TFCP2L1: variants seen among roughly 807,000 people sequenced by gnomAD.
TFCP2L1 encodes the protein transcription factor CP2-like protein 1.
In TFCP2L1, 12 loss-of-function variants were observed where a neutral mutation model predicts 72.2. That is an observed-to-expected ratio of 0.17 (90% CI 0.11 to 0.27). TFCP2L1 has a LOEUF of 0.27. TFCP2L1 is among the 10% of genes least tolerant of loss of function. TFCP2L1 has a pLI of 1.00. For missense variants in TFCP2L1, 488 were observed against 624.6 expected, an observed-to-expected ratio of 0.78 and a Z score of 2.33; for synonymous variants, 260 against 251.0, an observed-to-expected ratio of 1.04 and a Z score of -0.34.
intron 2 of TFCP2L1, among the ~76,000 whole-genome samples, chr2:121,259,556 GTTTGAAATTGAAAATTACTTT>G (rs1686793452): frequency 6.6e-6 from 1 of 152,138 alleles, no homozygotes; most frequent in Admixed American, 6.5e-5. Flanking sequence ...TTCTTCCATA[GTTTGAAATTGAAAATTACTTT>G]GAATTAGAAG....
At chr2:121,244,099 T>C (rs559114189) in intron 6 of TFCP2L1, among the ~76,000 whole-genome samples, 1 of 152,142 alleles carries the variant, frequency 6.6e-6, no homozygotes, top group South Asian at 2.1e-4. Context: ...GCTTCCCTGC[T>C]CCACCTCCAG....
chr2:121,249,577 A>T lies in TFCP2L1; in HGVS notation c.285T>A (p.Tyr95Ter). 1 of 1,614,138 alleles carries T rather than the reference A, an allele frequency of 6.2e-7. No homozygotes were observed. Among genetic ancestry groups the T allele is most frequent in the Non-Finnish European group, 8.5e-7 (1 of 1,180,022 alleles). The change falls in exon 3 of 15, where the codon TAT becomes TAA. Residue 95 changes from tyrosine (Y) to a stop codon, truncating the protein, a stop_gained. Transcript: ENST00000263707. LOFTEE classifies it high-confidence loss of function. Reference sequence around the variant, plus strand: ...AACAGCCTGTGAGGCTTACCTTGACATATTTTGTGTTCAGATCTTGAAAGT... The same window carrying T: ...AACAGCCTGTGAGGCTTACCTTGACTTATTTTGTGTTCAGATCTTGAAAGT... ...LGDFQDLNTK[Y>*]VKSIIRVVFH...
chr2:121,235,680 A>C lies in TFCP2L1; in HGVS notation c.1004-369T>G, dbSNP rs1190136874. 2.6e-5 allele frequency among the ~76,000 whole-genome samples: 4 copies of C among 151,004 alleles called. No individual in the cohort carries two copies. The East Asian group carries it at 7.8e-4, about 29-fold the overall frequency. On this transcript the variant is annotated intron_variant, in intron 10 of 14. Transcript: ENST00000263707. ...AGCAATCCACCTACCTCAGCCTCTC[A>C]AAGTACTGGGATTACAGACATGAGT...
intron 13 of TFCP2L1, among the ~76,000 whole-genome samples, chr2:121,228,521 A>G (rs1322368072): frequency 6.6e-6 from 1 of 151,810 alleles, no homozygotes; most frequent in East Asian, 1.9e-4. Context: ...GCACCTTGAG[A>G]GGCCAAGGCA....
At chr2:121,231,686 G>A (rs1037124286) in intron 13 of TFCP2L1, 140 bp downstream of exon 13, 22 of 1,289,100 alleles carry the variant, frequency 1.7e-5, no homozygotes, top group African/African-American at 1.0e-4. Flanking sequence ...TCGCAGCCCC[G>A]GACAGCCACA....
rs566290730 is a variant in TFCP2L1, at chr2:121,237,479, G to A, written c.1003+144C>T. 1.1e-4 allele frequency: 99 copies of A among 897,516 alleles called. No individual in the cohort carries two copies. In the African/African-American group the frequency reaches 1.4e-3, roughly 13 times the overall value. The allele number at this position is 897,516 out of a possible 1,614,324, so 55.6% of individuals were successfully genotyped here. On this transcript the variant is annotated intron_variant, in intron 10 of 14. Transcript: ENST00000263707. ...AGCACTTGGCCCAGGGTTGGGGCAC[G>A]TGAGCGAGCGAACCCACACTATCTC...
intron 5 of TFCP2L1, among the ~76,000 whole-genome samples, chr2:121,247,914 A>T (rs1471273009): frequency 6.6e-6 from 1 of 152,238 alleles, no homozygotes; most frequent in Non-Finnish European, 1.5e-5. Flanking sequence ...CATTTATAAA[A>T]AGCTTATATA....
chr2:121,240,385 T>G (rs1686344344), intron 7 of TFCP2L1: 1 of 985,326 alleles, frequency 1.0e-6, no homozygotes, highest in South Asian at 4.7e-5. Context: ...ATCTCTTCCC[T>G]TCCCTGCGAT....
At chr2:121,280,041 A>C (rs139787071) in intron 2 of TFCP2L1, among the ~76,000 whole-genome samples, 171 of 152,214 alleles carry the variant, frequency 1.1e-3, no homozygotes, top group Non-Finnish European at 2.2e-3. Flanking sequence ...AACCACAAAA[A>C]CACCATCCAT....
chr2:121,224,562 G>A (rs935321198), intron 14 of TFCP2L1, among the ~76,000 whole-genome samples, 175 bp from the exon 15 acceptor site: 7 of 152,198 alleles, frequency 4.6e-5, no homozygotes, highest in African/African-American at 1.2e-4. Context: ...CATCTGCCTC[G>A]TTTAGTGTCT....
At position 121,284,620 on chromosome 2, in the gene TFCP2L1, G is replaced by A. The variant is rs534138107; in HGVS notation, c.62+428C>T. On this transcript the variant is annotated intron_variant, in intron 1 of 14. Coordinates refer to ENST00000263707, the MANE Select transcript of TFCP2L1 (RefSeq NM_014553.3). ...GCGCGAGGCTGGGAGAGGGGCCCCG[G>A]CGGAGACGGGCAAAGAGCAGGGGAC... 1.4e-3 allele frequency among the ~76,000 whole-genome samples: 214 copies of A among 152,356 alleles called. 3 individuals carry two copies. Among genetic ancestry groups the A allele is most frequent in the African/African-American group, 4.6e-3 (190 of 41,588 alleles).
chr2:121,268,978 A>C (rs1025936770), intron 2 of TFCP2L1, among the ~76,000 whole-genome samples: 1 of 151,646 alleles, frequency 6.6e-6, no homozygotes, highest in African/African-American at 2.4e-5. Flanking sequence ...TGTATTCCTT[A>C]TGCACCATAA....
intron 10 of TFCP2L1, among the ~76,000 whole-genome samples, chr2:121,236,240 A>C (rs779647568): frequency 8.5e-5 from 13 of 152,194 alleles, no homozygotes; most frequent in Non-Finnish European, 1.8e-4. Context: ...TCATTACACA[A>C]GGTGCGTGTC....
At chr2:121,228,131 CTT>C (rs1366969685) in intron 13 of TFCP2L1, among the ~76,000 whole-genome samples, 1 of 152,228 alleles carries the variant, frequency 6.6e-6, no homozygotes, top group Non-Finnish European at 1.5e-5. Context: ...GGCAAGGAGA[CTT>C]TGGGGAATGA....
intron 11 of TFCP2L1, 125 bp downstream of exon 11, chr2:121,235,096 A>G: frequency 1.1e-6 from 1 of 941,238 alleles, no homozygotes; most frequent in Admixed American, 2.1e-5. Flanking sequence ...ACTTGACCCC[A>G]CACTGCAGGA....
intron 2 of TFCP2L1, among the ~76,000 whole-genome samples, chr2:121,255,678 G>A (rs747715344): frequency 1.3e-5 from 2 of 151,990 alleles, no homozygotes; most frequent in South Asian, 4.1e-4. Flanking sequence ...CCAATGTTTC[G>A]TTCTTGCAAA....
chr2:121,264,625 G>A (rs1390320785), intron 2 of TFCP2L1, among the ~76,000 whole-genome samples: 1 of 152,212 alleles, frequency 6.6e-6, no homozygotes, highest in East Asian at 1.9e-4. Context: ...ACCAGGGCAG[G>A]GATGCTGGTG....
intron 13 of TFCP2L1, among the ~76,000 whole-genome samples, chr2:121,228,301 CA>C (rs1397408014): frequency 6.6e-6 from 1 of 152,142 alleles, no homozygotes; most frequent in Non-Finnish European, 1.5e-5. Context: ...TTTGTCTTCA[CA>C]AAAGGAAATT....
intron 2 of TFCP2L1, among the ~76,000 whole-genome samples, chr2:121,263,093 G>A (rs1457233208): frequency 2.0e-5 from 3 of 152,062 alleles, no homozygotes; most frequent in African/African-American, 4.8e-5. Flanking sequence ...GCGCCACCAC[G>A]TCCAGCTAAT....
Sources: gnomAD v4.1 joint callset for allele counts (sites outside exome capture counted in the v4.1 genomes callset) on GRCh38, gnomAD v4.1.1 for gene constraint, MANE v1.5 for transcripts, NCBI Gene and HGNC (gene_info 2026-07-23, HGNC 2026-07-21) for gene names.